Variants in USP32 observed in about 807,000 individuals in gnomAD.
The protein encoded by USP32 is ubiquitin carboxyl-terminal hydrolase 32.
In USP32, 59 loss-of-function variants were observed where a neutral mutation model predicts 204.8. The observed-to-expected ratio is 0.29, with a 90% CI of 0.23 to 0.36. The LOEUF is 0.36. USP32 is among the 10% of genes least tolerant of loss of function. The probability of loss-of-function intolerance (pLI) is 1.00; values close to 1 mark genes in which losing one functional copy is unlikely to be tolerated. For missense variants in USP32, 1,160 were observed against 1,946.4 expected, an observed-to-expected ratio of 0.60 and a Z score of 7.60; for synonymous variants, 517 against 678.4, an observed-to-expected ratio of 0.76 and a Z score of 3.70.
chr17:60,202,443 T>TCTCACACACACA (rs1555582936), intron 26 of USP32, among the ~76,000 whole-genome samples: 1 of 140,656 alleles, frequency 7.1e-6, no homozygotes, highest in Non-Finnish European at 1.6e-5. Context: ...GCTTATCAAA[T>TCTCACACACACA]CACACACACA....
intron 1 of USP32, among the ~76,000 whole-genome samples, chr17:60,403,333 C>T (rs1222337041): frequency 6.6e-6 from 1 of 152,296 alleles, no homozygotes; most frequent in Non-Finnish European, 1.5e-5. Context: ...ATCTTATGAC[C>T]TAGCCTCAGA....
chr17:60,401,908 C>T (rs896237540), intron 1 of USP32, among the ~76,000 whole-genome samples: 4 of 152,072 alleles, frequency 2.6e-5, no homozygotes, highest in Non-Finnish European at 5.9e-5. Flanking sequence ...CCAGAAAACC[C>T]ATGGAGAAAG....
rs76130117 is a variant in USP32 at position 60,373,440 on chromosome 17, G to C, written c.58+18442C>G. Among the ~76,000 whole-genome samples the C allele has an allele frequency of 2.3e-3, 331 of 142,252 alleles. 11 individuals carry two copies. In the East Asian group the frequency reaches 0.054, roughly 23 times the overall value. The allele number at this position is 142,252 out of a possible 152,430, so 93.3% of individuals were successfully genotyped here. ...AATAATAAATTAATTTTAGCTTACT[G>C]TAATTTTTTTTTTTTTTTTTTGAGA... On this transcript the variant is annotated intron_variant, in intron 1 of 33. Transcript: ENST00000300896.
chr17:60,328,323 G>C (rs1021694582), intron 2 of USP32, among the ~76,000 whole-genome samples: 1 of 152,080 alleles, frequency 6.6e-6, no homozygotes, highest in African/African-American at 2.4e-5. Flanking sequence ...GGACCACCAG[G>C]TGCAGAGAGG....
chr17:60,288,113 CAAAAAAAAAAAAAAAAA>C lies in USP32; in HGVS notation c.571+393_571+409del, dbSNP rs1045323566. On this transcript the variant is annotated intron_variant, in intron 5 of 33. Coordinates refer to ENST00000300896, the MANE Select transcript of USP32 (RefSeq NM_032582.4). ...TGGGCAACAGAGGGAGACTTCGTCT[CAAAAAAAAAAAAAAAAA>C]AAAAAAAAAAGTCTTGGCTGGGCAC... Among the ~76,000 whole-genome samples, 32 of 29,454 alleles carry C rather than the reference CAAAAAAAAAAAAAAAAA, an allele frequency of 1.1e-3. No homozygotes were observed. The East Asian group carries it at 0.034, about 31-fold the overall frequency. 19.3% of individuals were successfully genotyped at this position (29,454 alleles called of 152,430 possible).
At chr17:60,203,680 G>A (rs1332570992) in intron 26 of USP32, among the ~76,000 whole-genome samples, 2 of 151,956 alleles carry the variant, frequency 1.3e-5, no homozygotes, top group African/African-American at 4.8e-5. Context: ...AGGTTCAAGC[G>A]ATTCTCCTGC....
At chr17:60,360,467 T>A (rs899368512) in intron 1 of USP32, among the ~76,000 whole-genome samples, 8 of 151,974 alleles carry the variant, frequency 5.3e-5, no homozygotes, top group Non-Finnish European at 1.0e-4. Context: ...GAGACCAGCC[T>A]GGCAAACATG....
intron 10 of USP32, among the ~76,000 whole-genome samples, chr17:60,254,905 A>G (rs915336435): frequency 2.0e-5 from 3 of 152,128 alleles, no homozygotes; most frequent in African/African-American, 4.8e-5. Flanking sequence ...GCAAATTATG[A>G]TGGCTTTTGC....
intron 2 of USP32, among the ~76,000 whole-genome samples, chr17:60,328,587 A>T (rs2088302025): frequency 6.6e-6 from 1 of 152,230 alleles, no homozygotes; most frequent in Non-Finnish European, 1.5e-5. Context: ...CAAGGCTAAA[A>T]GAGCTATAAC....
chr17:60,222,390 C>CACTATTA lies in USP32; in HGVS notation c.1749+12_1749+18dup. On this transcript the variant is annotated intron_variant, in intron 15 of 33. Coordinates refer to ENST00000300896, the MANE Select transcript of USP32 (RefSeq NM_032582.4). ...ATCTATGACTGCTCCTTATATAAGGCACTATTAACTATACTTACTGGTCTA... is the reference window on the plus strand; with the variant it reads ...ATCTATGACTGCTCCTTATATAAGGCACTATTAACTATTAACTATACTTACTGGTCTA... 1 of 1,608,556 alleles carries CACTATTA rather than the reference C, an allele frequency of 6.2e-7. No individual in the cohort carries two copies. The highest frequency in any genetic ancestry group is 8.5e-7 in the Non-Finnish European group (1 of 1,176,516).
In USP32 at chr17:60,208,221, GA is replaced by G. The variant is rs768391055; in HGVS notation, c.2774-12del. ...CATCTAACTTAATCACTAGTAAAGA[GA>G]AAAGATCTTTTATTGGTAAAATGCA... On this transcript the variant is annotated splice_polypyrimidine_tract_variant and intron_variant, in intron 23 of 33. Coordinates refer to ENST00000300896, the MANE Select transcript of USP32 (RefSeq NM_032582.4). 4 of 1,565,754 alleles carry G rather than the reference GA, an allele frequency of 2.6e-6. No individual in the cohort carries two copies. The highest frequency in any genetic ancestry group is 3.8e-5 in the Admixed American group (2 of 52,860).
intron 1 of USP32, among the ~76,000 whole-genome samples, chr17:60,371,253 TAAAAAAA>T (rs373242290): frequency 0.018 from 1,169 of 66,278 alleles, 8 homozygotes; most frequent in Non-Finnish European, 0.026. Flanking sequence ...CTCTAAAAAT[TAAAAAAA>T]AAAAAAAAAA....
chr17:60,280,847 G>A (rs910352883), intron 5 of USP32, among the ~76,000 whole-genome samples: 2 of 152,182 alleles, frequency 1.3e-5, no homozygotes, highest in African/African-American at 4.8e-5. Flanking sequence ...GAATTTATAG[G>A]TAATATAAAT....
chr17:60,201,332 G>T (rs905299223), intron 26 of USP32, among the ~76,000 whole-genome samples: 3 of 151,888 alleles, frequency 2.0e-5, no homozygotes, highest in African/African-American at 7.3e-5. Context: ...TTTCATTTTG[G>T]GGCTACTATA....
At chr17:60,421,278 C>CG in intron 1 of USP32, 1 of 784,082 alleles carries the variant, frequency 1.3e-6, no homozygotes, top group Non-Finnish European at 1.5e-6. Context: ...AACAACAAGA[C>CG]GTTTGCTGAA....
At chr17:60,267,682 G>A (rs561373669) in intron 7 of USP32, among the ~76,000 whole-genome samples, 20 of 151,588 alleles carry the variant, frequency 1.3e-4, no homozygotes, top group African/African-American at 4.1e-4. Context: ...CACCACGCCC[G>A]GCTAACTTTT....
chr17:60,393,190 C>G (rs1292109408), upstream of USP32, among the ~76,000 whole-genome samples: 1 of 152,188 alleles, frequency 6.6e-6, no homozygotes, highest in African/African-American at 2.4e-5. Context: ...TTAAGTATTT[C>G]CTCTGAGTGG....
At chr17:60,217,779 C>T (rs2085142966) in intron 16 of USP32, among the ~76,000 whole-genome samples, 1 of 151,698 alleles carries the variant, frequency 6.6e-6, no homozygotes, top group South Asian at 2.1e-4. Flanking sequence ...GCTCTGTTAC[C>T]CAGGCTGGAG....
At chr17:60,312,191 C>G (rs991388056) in intron 2 of USP32, among the ~76,000 whole-genome samples, 4 of 152,172 alleles carry the variant, frequency 2.6e-5, no homozygotes, top group African/African-American at 9.7e-5. Context: ...GTGGGAAATA[C>G]TATCTCAGGA....
Sources: gnomAD v4.1 joint callset for allele counts (sites outside exome capture counted in the v4.1 genomes callset) on GRCh38, gnomAD v4.1.1 for gene constraint, MANE v1.5 for transcripts, NCBI Gene and HGNC (gene_info 2026-07-23, HGNC 2026-07-21) for gene names.